Variants in COL21A1 observed in about 807,000 individuals in gnomAD.
COL21A1 encodes collagen alpha-1(XXI) chain.
In COL21A1, 149 loss-of-function variants were observed where a neutral mutation model predicts 137.9. That is an observed-to-expected ratio of 1.08 (90% CI 0.95 to 1.24). COL21A1 has a LOEUF of 1.24. Ranked by LOEUF, COL21A1 falls within the 50% of genes most tolerant of loss-of-function variation. The probability of loss-of-function intolerance (pLI) is 0.00; values close to 1 mark genes in which losing one functional copy is unlikely to be tolerated. For missense variants in COL21A1, 1,167 were observed against 1,158.4 expected (o/e 1.01, Z -0.11); for synonymous variants, 456 against 391.5 (o/e 1.16, Z -1.95).
At chr6:56,250,964 C>A (rs1478691869), upstream of COL21A1, among the ~76,000 whole-genome samples, 1 of 152,058 alleles carries the variant, frequency 6.6e-6, no homozygotes, top group Non-Finnish European at 1.5e-5. Flanking sequence ...CATTATTGTG[C>A]CCAAATTTAC....
intron 1 of COL21A1, among the ~76,000 whole-genome samples, chr6:56,189,490 T>C (rs1342572628): frequency 6.6e-6 from 1 of 152,106 alleles, no homozygotes; most frequent in Non-Finnish European, 1.5e-5. Flanking sequence ...AATCTATATT[T>C]GATTGATGTA....
chr6:56,310,859 T>C (rs1764596525), intron 1 of COL21A1, among the ~76,000 whole-genome samples: 1 of 152,068 alleles, frequency 6.6e-6, no homozygotes, highest in Non-Finnish European at 1.5e-5. Flanking sequence ...ATATATTACA[T>C]TAATAGATAC....
chr6:56,368,703 G>A (rs1414548500), intron 1 of COL21A1, among the ~76,000 whole-genome samples: 3 of 152,032 alleles, frequency 2.0e-5, no homozygotes, highest in Non-Finnish European at 4.4e-5. Flanking sequence ...TATATTTCTT[G>A]GGAACGAAGC....
chr6:56,253,445 C>T lies in COL21A1; in HGVS notation c.-38-70789G>A, dbSNP rs138647091. Among the ~76,000 whole-genome samples the T allele has an allele frequency of 1.3e-3, 193 of 152,254 alleles. 1 individual carries two copies. The highest frequency in any genetic ancestry group is 2.1e-3 in the Non-Finnish European group (140 of 68,012). On this transcript the variant is annotated intron_variant, in intron 1 of 28. Coordinates refer to the COL21A1 transcript ENST00000370819. ...TAGCTGTTTTCTTAGATTGTGAACTCCAAGTACCATGTAAGCCTAGATCTT... is the reference window on the plus strand; with the variant it reads ...TAGCTGTTTTCTTAGATTGTGAACTTCAAGTACCATGTAAGCCTAGATCTT...
chr6:56,378,770 C>CA lies in COL21A1; in HGVS notation c.-39+15200dup, dbSNP rs199862685. 1.4e-4 allele frequency among the ~76,000 whole-genome samples: 22 copies of CA among 152,302 alleles called. No individual in the cohort carries two copies. In the East Asian group the frequency reaches 4.1e-3, roughly 28 times the overall value. ...GAGAGTGGTTACAGGGGGCCTTGGG[C>CA]AAGACCCAGTGCTGTGCTGGCTTCA... On this transcript the variant is annotated intron_variant, in intron 1 of 28. Transcript: ENST00000370819.
chr6:56,085,244 G>T (rs189179680), intron 17 of COL21A1, among the ~76,000 whole-genome samples: 2 of 151,900 alleles, frequency 1.3e-5, no homozygotes, highest in Admixed American at 1.3e-4. Context: ...AAAATTGAAG[G>T]TATAATAAAA....
Position 56,141,819 on chromosome 6 carries a change from C to G in COL21A1, c.1508G>C (p.Gly503Ala). 1 of 1,613,604 alleles carries G rather than the reference C, an allele frequency of 6.2e-7. No homozygotes were observed. Among genetic ancestry groups the G allele is most frequent in the Non-Finnish European group, 8.5e-7 (1 of 1,179,720 alleles). ...PGIQGARGLPGYKGEPGRDGD... is the reference protein window; with the variant it reads ...PGIQGARGLPAYKGEPGRDGD... ...ATCTCGCCCTGGTTCTCCTTTGTAA[C>G]CTGGTAGTCCTCGAGCTCCCTAAAT... Residue 503 changes from glycine to alanine, a missense_variant, in exon 12 of 30, where the codon GGT (glycine) becomes GCT (alanine). Coordinates refer to ENST00000244728, the MANE Select transcript of COL21A1 (RefSeq NM_030820.4).
intron 23 of COL21A1, among the ~76,000 whole-genome samples, chr6:56,065,007 CAAG>C (rs1347274857): frequency 1.3e-5 from 2 of 151,580 alleles, no homozygotes; most frequent in Admixed American, 6.6e-5. Flanking sequence ...CATGTGAGGA[CAAG>C]AAGATCTCTT....
intron 1 of COL21A1, among the ~76,000 whole-genome samples, chr6:56,253,962 G>A (rs1782914679): frequency 1.3e-5 from 2 of 152,044 alleles, no homozygotes; most frequent in Admixed American, 1.3e-4. Context: ...AAATTGACAG[G>A]TAAAGATGAA....
At chr6:56,175,867 C>T (rs1290402691) in intron 3 of COL21A1, among the ~76,000 whole-genome samples, 1 of 152,092 alleles carries the variant, frequency 6.6e-6, no homozygotes, top group Non-Finnish European at 1.5e-5. Flanking sequence ...CTCACACTTC[C>T]TGATTTCAAA....
intron 1 of COL21A1, among the ~76,000 whole-genome samples, chr6:56,252,842 C>G (rs955843495): frequency 1.1e-4 from 16 of 152,076 alleles, no homozygotes; most frequent in Non-Finnish European, 2.1e-4. Context: ...ACAAAACAGC[C>G]ACTGCATGGA....
intron 1 of COL21A1, among the ~76,000 whole-genome samples, chr6:56,349,783 C>T (rs966803396): frequency 6.9e-4 from 105 of 152,264 alleles, no homozygotes; most frequent in East Asian, 3.9e-4. Flanking sequence ...TAATGAAAGA[C>T]CATTTTGTTG....
chr6:56,369,268 T>TAATA, intron 1 of COL21A1, among the ~76,000 whole-genome samples: 1 of 151,974 alleles, frequency 6.6e-6, no homozygotes, highest in Middle Eastern at 3.4e-3. Flanking sequence ...TATAAAGTTA[T>TAATA]AATAGTTCAA....
intron 23 of COL21A1, among the ~76,000 whole-genome samples, chr6:56,065,800 A>C (rs1335565775): frequency 6.6e-6 from 1 of 152,004 alleles, no homozygotes; most frequent in Non-Finnish European, 1.5e-5. Flanking sequence ...CTTTATCTTA[A>C]CATGTGTGGG....
At chr6:56,293,088 CTAAGAT>C (rs1764089146) in intron 1 of COL21A1, among the ~76,000 whole-genome samples, 1 of 152,106 alleles carries the variant, frequency 6.6e-6, no homozygotes, top group Non-Finnish European at 1.5e-5. Context: ...TTAAAATACA[CTAAGAT>C]TGAGTTTGCA....
chr6:56,345,687 CA>C (rs34778445), intron 1 of COL21A1, among the ~76,000 whole-genome samples: 3 of 152,190 alleles, frequency 2.0e-5, no homozygotes, highest in African/African-American at 7.2e-5. Flanking sequence ...GATGTGTTGA[CA>C]GCTAAGTTTT....
chr6:56,286,120 G>C (rs138520793), intron 1 of COL21A1, among the ~76,000 whole-genome samples: 1 of 152,138 alleles, frequency 6.6e-6, no homozygotes. Context: ...TTAGTGTTTG[G>C]GCTACAAACT....
At chr6:56,232,932 G>T (rs1236691376) in intron 1 of COL21A1, among the ~76,000 whole-genome samples, 1 of 151,894 alleles carries the variant, frequency 6.6e-6, no homozygotes, top group African/African-American at 2.4e-5. Flanking sequence ...TTGCTGGGAA[G>T]ATTAGAAGAA....
intron 1 of COL21A1, among the ~76,000 whole-genome samples, chr6:56,316,512 G>A (rs529120045): frequency 7.5e-4 from 67 of 89,020 alleles, no homozygotes; most frequent in African/African-American, 2.6e-3. Flanking sequence ...GACAGAGTCT[G>A]TCTCTGTTAC....
Sources: allele counts gnomAD v4.1 joint callset (sites outside exome capture counted in the v4.1 genomes callset), GRCh38; gene constraint gnomAD v4.1.1; transcripts MANE v1.5; gene names NCBI Gene and HGNC (gene_info 2026-07-23, HGNC 2026-07-21).